The following ESRRB variants were observed in gnomAD, a reference collection of about 807,000 sequenced individuals.
The protein encoded by ESRRB is estrogen related receptor beta.
A neutral mutation model predicts 46.0 loss-of-function variants in ESRRB; 16 were observed. The observed-to-expected ratio is 0.35, with a 90% CI of 0.24 to 0.53. The LOEUF (loss-of-function observed/expected upper bound fraction) is 0.53, where lower values mean the gene tolerates loss of function less well. Among genes scored for constraint, ESRRB ranks in the 20% least tolerant of loss-of-function variants. The pLI, the probability that ESRRB is intolerant of heterozygous loss-of-function variation, is 0.93. For missense variants in ESRRB, 488 were observed against 607.4 expected (o/e 0.80, Z 2.07); for synonymous variants, 246 against 259.6 (o/e 0.95, Z 0.50).
At chr14:76,358,512 G>A (rs143286626) in intron 1 of ESRRB, among the ~76,000 whole-genome samples, 8 of 151,612 alleles carry the variant, frequency 5.3e-5, no homozygotes, top group East Asian at 1.9e-4. Flanking sequence ...TCTCATCGGC[G>A]TGCTGGGTAC....
chr14:76,460,829 G>A (rs1229377834), intron 2 of ESRRB, among the ~76,000 whole-genome samples: 1 of 151,910 alleles, frequency 6.6e-6, no homozygotes, highest in Non-Finnish European at 1.5e-5. Flanking sequence ...AGCCTTCCGA[G>A]TAGCTGTGAT....
At chr14:76,435,898 C>T (rs1029484973) in intron 1 of ESRRB, among the ~76,000 whole-genome samples, 4 of 152,190 alleles carry the variant, frequency 2.6e-5, no homozygotes, top group African/African-American at 7.2e-5. Context: ...ATTACTAGAT[C>T]CTCCTGAGTT....
At chr14:76,480,212 C>G (rs927686766) in intron 3 of ESRRB, among the ~76,000 whole-genome samples, 7 of 152,166 alleles carry the variant, frequency 4.6e-5, no homozygotes, top group African/African-American at 1.7e-4. Context: ...TAGACTCCCC[C>G]TCTCCCCGAC....
intron 1 of ESRRB, among the ~76,000 whole-genome samples, chr14:76,314,287 G>C (rs1883771719): frequency 6.6e-6 from 1 of 152,164 alleles, no homozygotes; most frequent in Non-Finnish European, 1.5e-5. Flanking sequence ...GAAGTCAGCT[G>C]ATTTGCTCAG....
chr14:76,411,854 GTAT>G (rs1324959971), intron 1 of ESRRB, among the ~76,000 whole-genome samples: 2 of 152,068 alleles, frequency 1.3e-5, no homozygotes, highest in Non-Finnish European at 2.9e-5. Context: ...TATAAGAATA[GTAT>G]TATTCTGTTA....
At chr14:76,367,535 TG>T (rs1469854833), upstream of ESRRB, among the ~76,000 whole-genome samples, 2 of 133,358 alleles carry the variant, frequency 1.5e-5, no homozygotes, top group Non-Finnish European at 3.3e-5. Context: ...CCAGCCTGGG[TG>T]ACAGGGGGCG....
At chr14:76,389,345 A>AT (rs1885374249) in intron 1 of ESRRB, among the ~76,000 whole-genome samples, 1 of 151,916 alleles carries the variant, frequency 6.6e-6, no homozygotes, top group African/African-American at 2.4e-5. Context: ...ATATTTGCTT[A>AT]TTTTTTCTCC....
At chr14:76,314,116 C>T (rs1421922055) in intron 1 of ESRRB, among the ~76,000 whole-genome samples, 3 of 151,646 alleles carry the variant, frequency 2.0e-5, no homozygotes, top group African/African-American at 7.3e-5. Flanking sequence ...TAAAACCCCT[C>T]AGGGCTGTTG....
intron 2 of ESRRB, among the ~76,000 whole-genome samples, chr14:76,459,541 C>T (rs1040801402): frequency 1.4e-5 from 2 of 139,316 alleles, no homozygotes; most frequent in Admixed American, 7.1e-5. Context: ...AATCAGCACG[C>T]TGAGGCTGCA....
chr14:76,403,880 G>A (rs1446195615), intron 1 of ESRRB, among the ~76,000 whole-genome samples: 2 of 152,202 alleles, frequency 1.3e-5, no homozygotes, highest in Non-Finnish European at 2.9e-5. Flanking sequence ...CACCACGCCC[G>A]GCTAATTTTT....
intron 3 of ESRRB, among the ~76,000 whole-genome samples, chr14:76,480,267 T>C (rs1395407573): frequency 1.3e-5 from 2 of 152,060 alleles, no homozygotes; most frequent in African/African-American, 2.4e-5. Context: ...GGTTGTGGGG[T>C]TGAAAAAGAC....
At chr14:76,471,237 G>A (rs1338842519) in intron 3 of ESRRB, among the ~76,000 whole-genome samples, 1 of 152,106 alleles carries the variant, frequency 6.6e-6, no homozygotes, top group Non-Finnish European at 1.5e-5. Flanking sequence ...TCATGACCCT[G>A]GTCCAAGGAA....
At chr14:76,469,203 C>T (rs1381377112) in intron 3 of ESRRB, among the ~76,000 whole-genome samples, 3 of 152,120 alleles carry the variant, frequency 2.0e-5, no homozygotes, top group Non-Finnish European at 4.4e-5. Flanking sequence ...AAGCGATTCT[C>T]CTGCCTCAAC....
intron 2 of ESRRB, among the ~76,000 whole-genome samples, chr14:76,448,219 G>T (rs75651769): frequency 0.01 from 1,580 of 151,720 alleles, 15 homozygotes; most frequent in Non-Finnish European, 0.015. Flanking sequence ...CCCTGCAAAG[G>T]TTCGCCCATC....
rs1887499815 is a variant in ESRRB, at chr14:76,432,630, C to T, written c.51-6711C>T. On this transcript the variant is annotated intron_variant, in intron 1 of 6. Coordinates refer to ENST00000644823, the MANE Select transcript of ESRRB (RefSeq NM_001379180.1). ...ACAAACTTCTCATCTGTACAGCCAA[C>T]CTTCCCTCTCACTCTTACTGAATAA... 1.6e-5 allele frequency among the ~76,000 whole-genome samples: 2 copies of T among 127,582 alleles called. 1 individual carries two copies. Among genetic ancestry groups the T allele is most frequent in the South Asian group, 5.3e-4 (2 of 3,780 alleles). 83.7% of individuals were successfully genotyped at this position (127,582 alleles called of 152,430 possible). A position where few individuals can be genotyped will look rare whatever the true frequency, so the allele number is the denominator to read the frequency against.
intron 1 of ESRRB, among the ~76,000 whole-genome samples, chr14:76,363,867 GCTAGACTTGGGTT>G (rs1475535151): frequency 6.6e-6 from 1 of 152,206 alleles, no homozygotes; most frequent in East Asian, 1.9e-4. Context: ...TTTGGGGTGA[GCTAGACTTGGGTT>G]CTAATCCCAG....
chr14:76,500,990 C>T lies in ESRRB; in HGVS notation c.*2532C>T. The T allele has an allele frequency of 1.8e-6, 1 of 540,906 alleles. No individual in the cohort carries two copies. The highest frequency in any genetic ancestry group is 2.3e-5 in the South Asian group (1 of 44,178). The allele number at this position is 540,906 out of a possible 1,614,324, so 33.5% of individuals were successfully genotyped here. On this transcript the variant is annotated 3_prime_UTR_variant, in exon 7 of 7. Transcript: ENST00000644823. The stretch of plus-strand genomic sequence containing the variant: ...GACACTCAGAAAAGAAGTTCAGGGG[C>T]CAACTTCTTAGCTGGAATCCTGGCC...
At chr14:76,330,996 C>G (rs1884006771) in intron 1 of ESRRB, among the ~76,000 whole-genome samples, 1 of 152,106 alleles carries the variant, frequency 6.6e-6, no homozygotes, top group Non-Finnish European at 1.5e-5. Context: ...GAGATGGGGT[C>G]AGTTAGGTAA....
chr14:76,332,852 A>G (rs1294863042), intron 1 of ESRRB, among the ~76,000 whole-genome samples: 1 of 34,696 alleles, frequency 2.9e-5, no homozygotes, highest in African/African-American at 1.1e-4. Context: ...TTTATATATT[A>G]TATATTTATA....
Sources: gnomAD v4.1 joint callset for allele counts (sites outside exome capture counted in the v4.1 genomes callset) on GRCh38, gnomAD v4.1.1 for gene constraint, MANE v1.5 for transcripts, NCBI Gene and HGNC (gene_info 2026-07-23, HGNC 2026-07-21) for gene names.